The following COL11A2 variants were observed in gnomAD, a reference collection of about 807,000 sequenced individuals.
COL11A2 encodes collagen alpha-2(XI) chain.
A neutral mutation model predicts 273.4 loss-of-function variants in COL11A2; 116 were observed. That is an observed-to-expected ratio of 0.42 (90% CI 0.36 to 0.49). The LOEUF (loss-of-function observed/expected upper bound fraction) is 0.49. COL11A2 is among the 20% of genes least tolerant of loss of function. COL11A2 has a pLI of 0.00. For missense variants in COL11A2, 1,866 were observed against 2,309.0 expected, an observed-to-expected ratio of 0.81 and a Z score of 3.93; for synonymous variants, 782 against 864.2, an observed-to-expected ratio of 0.90 and a Z score of 1.67.
At chr6:33,184,898 G>A in intron 7 of COL11A2, 94 bp downstream of exon 7, 1 of 1,036,346 alleles carries the variant, frequency 9.6e-7, no homozygotes, top group East Asian at 2.6e-5. Context: ...CCGGCCAGAG[G>A]AGGGGCTGGT....
chr6:33,172,361 A>G lies in COL11A2; in HGVS notation c.2916T>C (p.Pro972=). 6.3e-7 allele frequency: 1 copy of G among 1,586,874 alleles called. No individual in the cohort carries two copies. The highest frequency in any genetic ancestry group is 8.6e-7 in the Non-Finnish European group (1 of 1,167,184). Residue 972 remains proline (P), a synonymous_variant, in exon 40 of 66, where the codon CCT becomes CCC. Coordinates refer to ENST00000341947, the MANE Select transcript of COL11A2 (RefSeq NM_080680.3). ...CAGGACCATCCTTCCCTGGGGCCCC[A>G]GGGGGACCAGGGTCACCCTAAAAGG... ...KEGTKGDPGP[P]GAPGKDGPAG...
chr6:33,170,864 T>A lies in COL11A2; in HGVS notation c.3420A>T (p.Lys1140Asn), dbSNP rs1215452963. Residue 1140 changes from lysine (K) to asparagine (N), a missense_variant, in exon 46 of 66, where the codon AAA becomes AAT. Physicochemically the swap from Lys to Asn is moderately conservative, Grantham distance 94. Coordinates refer to ENST00000341947, the MANE Select transcript of COL11A2 (RefSeq NM_080680.3). This position sits in a 1 kb window ranked among gnomAD's most constrained non-coding sequence, Gnocchi z 4.3. ...ARGPQGHFGA[K>N]GDEGTRGFNG... Reference sequence around the variant, plus strand: ...TGAATCCTCTTGTTCCTTCATCACCTTTGGCTCCAAAGTGTCCCTGGGGTC... The same window carrying A: ...TGAATCCTCTTGTTCCTTCATCACCATTGGCTCCAAAGTGTCCCTGGGGTC... 1 of 1,612,982 alleles carries A rather than the reference T, an allele frequency of 6.2e-7. No individual in the cohort carries two copies. The highest frequency in any genetic ancestry group is 1.7e-5 in the Admixed American group (1 of 60,018).
Position 33,186,735 on chromosome 6 carries a change from C to T in COL11A2, c.690G>A (p.Gly230=), listed in dbSNP as rs1772467999. 6.2e-7 allele frequency: 1 copy of T among 1,613,952 alleles called. No individual in the cohort carries two copies. Among genetic ancestry groups the T allele is most frequent in the East Asian group, 2.2e-5 (1 of 44,882 alleles). Residue 230 remains glycine (G), a synonymous_variant, in exon 5 of 66, where the codon GGG becomes GGA. Transcript: ENST00000341947. The part of the protein sequence containing the change: ...SCEQKELECE[G]GQRERPQNQQ... ...GGTTTTGGGGTCTTTCCCTCTGGCC[C>T]CCCTCGCATTCCAGCTCCTTCTGTT... is the stretch of plus-strand genomic sequence containing the variant.
chr6:33,167,296 C>G lies in COL11A2; in HGVS notation c.4144G>C (p.Ala1382Pro). Residue 1382 changes from alanine (A) to proline (P), a missense_variant, in exon 57 of 66, where the codon GCT (alanine) becomes CCT (proline). Ala to Pro is a conservative substitution (Grantham distance 27). Coordinates refer to ENST00000341947, the MANE Select transcript of COL11A2 (RefSeq NM_080680.3). This position sits in a 1 kb window ranked among gnomAD's most constrained non-coding sequence, Gnocchi z 6.1. ...CCTGGGGGCCCAGCCTGGCCTGTAG[C>G]TCCAGGTCGGCCTTGCTGACCCTGA... is the stretch of plus-strand genomic sequence containing the variant. ...GSVGQQGRPG[A>P]TGQAGPPGPV... 1 of 1,613,960 alleles carries G rather than the reference C, an allele frequency of 6.2e-7. No individual in the cohort carries two copies. The highest frequency in any genetic ancestry group is 8.5e-7 in the Non-Finnish European group (1 of 1,180,012).
Position 33,166,231 on chromosome 6 carries a change from G to A in COL11A2, c.4393-25C>T, listed in dbSNP as rs773992305. The A allele has an allele frequency of 9.4e-6, 15 of 1,590,168 alleles. No individual in the cohort carries two copies. The highest frequency in any genetic ancestry group is 8.6e-7 in the Non-Finnish European group (1 of 1,169,232). ...CCTGTGAAATGAGGAACAAGAAAGA[G>A]ACGGTCACTGCAGGGGAAGGACAGG... is the stretch of plus-strand genomic sequence containing the variant. On this transcript the variant is annotated intron_variant, in intron 60 of 65. Coordinates refer to ENST00000341947, the MANE Select transcript of COL11A2 (RefSeq NM_080680.3). This position sits in a 1 kb window ranked among gnomAD's most constrained non-coding sequence, Gnocchi z 4.8.
At chr6:33,192,704 C>T (rs1419968393), upstream of COL11A2, among the ~76,000 whole-genome samples, 4 of 152,102 alleles carry the variant, frequency 2.6e-5, no homozygotes, top group Non-Finnish European at 5.9e-5. Flanking sequence ...TAGCCCCTTC[C>T]TTTTCTAGGA....
Position 33,181,095 on chromosome 6 carries a change from GA to G in COL11A2, c.1179+15del. 1 of 1,614,022 alleles carries G rather than the reference GA, an allele frequency of 6.2e-7. No homozygotes were observed. Among genetic ancestry groups the G allele is most frequent in the South Asian group, 1.1e-5 (1 of 91,064 alleles). Reference sequence around the variant, plus strand: ...CCTATTTCCACTGCCTCAGCCCTGTGACCAGCATAACTTACAGGTTCCAACA... The same window carrying G: ...CCTATTTCCACTGCCTCAGCCCTGTGCCAGCATAACTTACAGGTTCCAACA... On this transcript the variant is annotated intron_variant, in intron 9 of 65. Transcript: ENST00000341947.
At position 33,165,525 on chromosome 6, in the gene COL11A2, G is replaced by A. The variant is rs1473304180; in HGVS notation, c.4750+24C>T. On this transcript the variant is annotated intron_variant, in intron 63 of 65. Coordinates refer to ENST00000341947, the MANE Select transcript of COL11A2 (RefSeq NM_080680.3). This position sits in a 1 kb window ranked among gnomAD's most constrained non-coding sequence, Gnocchi z 7.7. ...TACCCATGCTGTTGGGGAGATGTTT[G>A]TGCACCCTGAGGCTAGCACTGACCA... 6.2e-7 allele frequency: 1 copy of A among 1,610,008 alleles called. No individual in the cohort carries two copies. The highest frequency in any genetic ancestry group is 1.1e-5 in the South Asian group (1 of 91,042).
intron 11 of COL11A2, 143 bp from the exon 12 acceptor site, chr6:33,180,475 A>G: frequency 1.1e-6 from 1 of 936,050 alleles, no homozygotes; most frequent in East Asian, 2.6e-5. Flanking sequence ...CATGGGGAAA[A>G]TTGAGGGTGA....
In COL11A2 at chr6:33,164,350, G is replaced by A. The variant is rs1768766989; in HGVS notation, c.4987C>T (p.Pro1663Ser). The A allele has an allele frequency of 1.2e-6, 2 of 1,612,836 alleles. No individual in the cohort carries two copies. Among genetic ancestry groups the A allele is most frequent in the East Asian group, 4.5e-5 (2 of 44,878 alleles). Reference protein sequence around the residue: ...YPCSGAARDGPLRLRGANEDE... With the variant: ...YPCSGAARDGSLRLRGANEDE... The stretch of plus-strand genomic sequence containing the variant: ...TCATTGGCCCCACGGAGTCTCAGGG[G>A]ACCGTCACGGGCTGCTCCAGAGCAG... The change falls in exon 65 of 66, where the codon CCC becomes TCC. Residue 1663 changes from proline to serine, a missense_variant. Physicochemically the swap from Pro to Ser is moderately conservative, Grantham distance 74 (BLOSUM62 -1). Transcript: ENST00000341947. This position sits in a 1 kb window ranked among gnomAD's most constrained non-coding sequence, Gnocchi z 4.7.
rs1277694208 is a variant in COL11A2 at position 33,179,790 on chromosome 6, C to T, written c.1375G>A (p.Gly459Ser). 1.2e-6 allele frequency: 2 copies of T among 1,611,594 alleles called. No homozygotes were observed. The highest frequency in any genetic ancestry group is 1.7e-6 in the Non-Finnish European group (2 of 1,180,008). ...SLMLPFRFGS[G>S]GGDKGPVVAA... ...ACCACAGGGCCCTTGTCACCCCCAC[C>T]ACTGCCAAACCGGAACTGAGGTCAA... The change falls in exon 13 of 66, where the codon GGT (glycine) becomes AGT (serine). Residue 459 changes from glycine (G) to serine (S), a missense_variant. Transcript: ENST00000341947. This position sits in a 1 kb window ranked among gnomAD's most constrained non-coding sequence, Gnocchi z 6.4.
In COL11A2 at chr6:33,185,685, G is replaced by A. The variant is rs1414940026; in HGVS notation, c.876+16C>T. 3 of 1,307,316 alleles carry A rather than the reference G, an allele frequency of 2.3e-6. No individual in the cohort carries two copies. The highest frequency in any genetic ancestry group is 4.6e-5 in the East Asian group (1 of 21,770). 81.0% of individuals were successfully genotyped at this position (1,307,316 alleles called of 1,614,324 possible). A position where few individuals can be genotyped will look rare whatever the true frequency, so the allele number is the denominator to read the frequency against. The stretch of plus-strand genomic sequence containing the variant: ...CTGGGAGAAAGGGAAGAAATGAAGG[G>A]GTCCCTTGAGTTTACCTGATAATCA... On this transcript the variant is annotated intron_variant, in intron 6 of 65. Transcript: ENST00000341947.
chr6:33,169,114 G>C lies in COL11A2; in HGVS notation c.3799-106C>G, dbSNP rs1769654599. Reference sequence around the variant, plus strand: ...GCCTCTCTAGAGGCAGTGCCCACCAGTACCCCCCAGGAAGAGGTCTCCTGC... The same window carrying C: ...GCCTCTCTAGAGGCAGTGCCCACCACTACCCCCCAGGAAGAGGTCTCCTGC... On this transcript the variant is annotated intron_variant, in intron 51 of 65. Transcript: ENST00000341947. The surrounding 1 kb of genome is among the most constrained non-coding windows in gnomAD (Gnocchi z 5.5). The C allele has an allele frequency of 3.5e-6, 4 of 1,127,058 alleles. No homozygotes were observed. In the East Asian group the frequency reaches 9.7e-5, roughly 27 times the overall value. 69.8% of individuals were successfully genotyped at this position (1,127,058 alleles called of 1,614,324 possible).
chr6:33,190,350 C>A lies in COL11A2; in HGVS notation c.83-881G>T, dbSNP rs1239292131. On this transcript the variant is annotated intron_variant, in intron 1 of 65. Transcript: ENST00000341947. This position sits in a 1 kb window ranked among gnomAD's most constrained non-coding sequence, Gnocchi z 4.5. ...CTGGAACCTCAATCCTGTCTCACCA[C>A]CCCCACCAACCCCACCACCTGGGAC... 1.1e-4 allele frequency among the ~76,000 whole-genome samples: 16 copies of A among 152,102 alleles called. No homozygotes were observed. The highest frequency in any genetic ancestry group is 1.0e-3 in the Admixed American group (16 of 15,274).
chr6:33,183,352 G>A (rs1333290085), intron 8 of COL11A2, among the ~76,000 whole-genome samples: 3 of 152,100 alleles, frequency 2.0e-5, no homozygotes, highest in Admixed American at 6.5e-5. Flanking sequence ...ACAACAACAT[G>A]GCTACCGTGA....
At chr6:33,187,318 T>G (rs1253622017) in intron 4 of COL11A2, among the ~76,000 whole-genome samples, 1 of 152,228 alleles carries the variant, frequency 6.6e-6, no homozygotes, top group Non-Finnish European at 1.5e-5. Flanking sequence ...TGGCATTTAC[T>G]TTTGCCCACA....
chr6:33,170,840 G>A lies in COL11A2; in HGVS notation c.3444C>T (p.Phe1148=), dbSNP rs764796481. ...GGCCAATGGGTCCTGGGGGCCCATT[G>A]AATCCTCTTGTTCCTTCATCACCTT... ...GAKGDEGTRG[F]NGPPGPIGLQ... Residue 1148 remains phenylalanine, a synonymous_variant, in exon 46 of 66, where the codon TTC becomes TTT. Coordinates refer to ENST00000341947, the MANE Select transcript of COL11A2 (RefSeq NM_080680.3). The surrounding 1 kb of genome is among the most constrained non-coding windows in gnomAD (Gnocchi z 4.3). 32 of 1,612,898 alleles carry A rather than the reference G, an allele frequency of 2.0e-5. No individual in the cohort carries two copies. The highest frequency in any genetic ancestry group is 2.7e-5 in the Non-Finnish European group (32 of 1,179,976).
In COL11A2 at chr6:33,173,567, G is replaced by C; in HGVS notation, c.2629-12C>G. 6.7e-7 allele frequency: 1 copy of C among 1,498,014 alleles called. No homozygotes were observed. Among genetic ancestry groups the C allele is most frequent in the East Asian group, 3.1e-5 (1 of 32,638 alleles). 92.8% of individuals were successfully genotyped at this position (1,498,014 alleles called of 1,614,324 possible). A position where few individuals can be genotyped will look rare whatever the true frequency, so the allele number is the denominator to read the frequency against. On this transcript the variant is annotated splice_polypyrimidine_tract_variant and intron_variant, in intron 35 of 65. Transcript: ENST00000341947. The surrounding 1 kb of genome is among the most constrained non-coding windows in gnomAD (Gnocchi z 6.3). ...GGTCCAGGGAGGCCCTAGAGACAGA[G>C]GTGGGGGGAGTCAGGAGAATGGGGG... is the stretch of plus-strand genomic sequence containing the variant.
At chr6:33,184,445 G>A (rs1772118803) in intron 7 of COL11A2, 121 bp from the exon 8 acceptor site, 1 of 673,180 alleles carries the variant, frequency 1.5e-6, no homozygotes, top group South Asian at 1.8e-5. Flanking sequence ...ATCAGAACTG[G>A]ATTTTTTCTC....
Sources: gnomAD v4.1 joint callset for allele counts (sites outside exome capture counted in the v4.1 genomes callset) on GRCh38, gnomAD v4.1.1 for gene constraint, Gnocchi (gnomAD v3.1) non-coding constraint, MANE v1.5 for transcripts, NCBI Gene and HGNC (gene_info 2026-07-23, HGNC 2026-07-21) for gene names.